SLC24A2: variants seen among roughly 807,000 people sequenced by gnomAD.
The protein encoded by SLC24A2 is sodium/potassium/calcium exchanger 2.
SLC24A2 carries 36 observed loss-of-function variants against 62.0 expected under a neutral mutation model. The ratio of observed to expected loss-of-function variants is 0.58; its 90% CI spans 0.44 to 0.77. The LOEUF (loss-of-function observed/expected upper bound fraction) is 0.77, where lower values mean the gene tolerates loss of function less well. Ranked by LOEUF, SLC24A2 falls within the 30% of genes least tolerant of loss-of-function variation. SLC24A2 has a pLI of 0.00. For missense variants in SLC24A2, 846 were observed against 817.9 expected (o/e 1.03, Z -0.42); for synonymous variants, 358 against 294.0 (o/e 1.22, Z -2.23).
chr9:20,255,980 C>T, the SLC24A2 span, among the ~76,000 whole-genome samples: 1 of 152,072 alleles, frequency 6.6e-6, no homozygotes, highest in Non-Finnish European at 1.5e-5. Context: ...GCTGGAAAAC[C>T]CAAGATCAAG....
chr9:20,096,571 T>G, the SLC24A2 span, among the ~76,000 whole-genome samples: 2 of 152,174 alleles, frequency 1.3e-5, no homozygotes, highest in Non-Finnish European at 2.9e-5. Context: ...GCATTTTATC[T>G]CTGAATCTCT....
At chr9:20,006,005 C>T in the SLC24A2 span, among the ~76,000 whole-genome samples, 13 of 151,690 alleles carry the variant, frequency 8.6e-5, no homozygotes, top group African/African-American at 2.7e-4. Flanking sequence ...TTCTGTCATA[C>T]CACATATATA....
chr9:20,298,339 C>T, the SLC24A2 span, among the ~76,000 whole-genome samples: 2 of 152,232 alleles, frequency 1.3e-5, no homozygotes, highest in African/African-American at 4.8e-5. Context: ...AGCGATTCTC[C>T]TGCCTTGGCC....
chr9:19,940,256 A>T, the SLC24A2 span, among the ~76,000 whole-genome samples: 1 of 152,236 alleles, frequency 6.6e-6, no homozygotes, highest in Non-Finnish European at 1.5e-5. Flanking sequence ...TGGAACTAAT[A>T]ATCCAAACAG....
the SLC24A2 span, among the ~76,000 whole-genome samples, chr9:19,799,387 T>G: frequency 2.0e-5 from 3 of 152,218 alleles, no homozygotes; most frequent in African/African-American, 7.2e-5. Context: ...TGATGTTTCT[T>G]TCAACGCCTG....
the SLC24A2 span, among the ~76,000 whole-genome samples, chr9:19,833,818 G>T: frequency 1.3e-5 from 2 of 152,340 alleles, no homozygotes; most frequent in East Asian, 3.9e-4. Context: ...TAACTGGGGG[G>T]CACCCCCAAC....
the SLC24A2 span, chr9:19,896,036 C>T: frequency 4.4e-6 from 6 of 1,375,044 alleles, no homozygotes; most frequent in Non-Finnish European, 6.1e-6. Flanking sequence ...CAGCAGGTCC[C>T]CTTGCCTCTG....
intron 2 of SLC24A2, among the ~76,000 whole-genome samples, chr9:19,688,806 G>A (rs1819959964): frequency 6.6e-6 from 1 of 152,016 alleles, no homozygotes; most frequent in Admixed American, 6.6e-5. Flanking sequence ...TATTTTGCAT[G>A]TCCCTGCATG....
the SLC24A2 span, among the ~76,000 whole-genome samples, chr9:20,138,926 C>T: frequency 1.3e-5 from 2 of 152,260 alleles, no homozygotes; most frequent in South Asian, 4.1e-4. Context: ...TTCTATTTTC[C>T]TTATTTCAAC....
intron 6 of SLC24A2, among the ~76,000 whole-genome samples, chr9:19,574,350 G>C (rs1233994140): frequency 6.6e-6 from 1 of 152,184 alleles, no homozygotes; most frequent in Non-Finnish European, 1.5e-5. Flanking sequence ...TTTGACACTT[G>C]AGAAGTGACT....
chr9:20,255,969 G>A, the SLC24A2 span, among the ~76,000 whole-genome samples: 1 of 152,150 alleles, frequency 6.6e-6, no homozygotes, highest in Non-Finnish European at 1.5e-5. Flanking sequence ...CAGTTCTGGA[G>A]GCTGGAAAAC....
At chr9:19,932,879 A>G in the SLC24A2 span, among the ~76,000 whole-genome samples, 51 of 152,332 alleles carry the variant, frequency 3.3e-4, no homozygotes, top group African/African-American at 1.2e-3. Flanking sequence ...TCTGTCCATA[A>G]TACTCTCAGA....
At chr9:20,129,156 A>C in the SLC24A2 span, among the ~76,000 whole-genome samples, 1 of 152,238 alleles carries the variant, frequency 6.6e-6, no homozygotes, top group East Asian at 1.9e-4. Flanking sequence ...TTCTGAGAGA[A>C]ATGGCCATAC....
intron 8 of SLC24A2, among the ~76,000 whole-genome samples, chr9:19,528,931 T>A (rs544015717): frequency 1.3e-5 from 2 of 152,082 alleles, no homozygotes; most frequent in Non-Finnish European, 2.9e-5. Context: ...AGTGTGAGCA[T>A]TTTTAAAGTT....
At chr9:20,261,384 T>C in the SLC24A2 span, among the ~76,000 whole-genome samples, 1 of 152,176 alleles carries the variant, frequency 6.6e-6, no homozygotes, top group African/African-American at 2.4e-5. Context: ...CATTATGCCA[T>C]GGTAGAAGTG....
intron 4 of SLC24A2, among the ~76,000 whole-genome samples, chr9:19,613,700 G>T (rs1817689461): frequency 6.6e-6 from 1 of 152,052 alleles, no homozygotes; most frequent in African/African-American, 2.4e-5. Context: ...CCTGGTCCAG[G>T]GATAGGTCAG....
At chr9:20,215,743 T>A in the SLC24A2 span, among the ~76,000 whole-genome samples, 1 of 152,204 alleles carries the variant, frequency 6.6e-6, no homozygotes, top group African/African-American at 2.4e-5. Flanking sequence ...CCTCTGACCC[T>A]TTTTGGTAAC....
chr9:19,696,243 T>A (rs1260089385), intron 2 of SLC24A2, among the ~76,000 whole-genome samples: 1 of 152,152 alleles, frequency 6.6e-6, no homozygotes, highest in Non-Finnish European at 1.5e-5. Context: ...AGCCCCAACC[T>A]CGGTCTGTGG....
At position 19,550,461 on chromosome 9, in the gene SLC24A2, C is replaced by T. The variant is rs575353751; in HGVS notation, c.1348-193G>A. Among the ~76,000 whole-genome samples, 9 of 152,278 alleles carry T rather than the reference C, an allele frequency of 5.9e-5. No individual in the cohort carries two copies. The South Asian group carries it at 6.2e-4, about 11-fold the overall frequency. On this transcript the variant is annotated intron_variant, in intron 7 of 10. Coordinates refer to ENST00000341998, the MANE Select transcript of SLC24A2 (RefSeq NM_020344.4). ...AGGAACAAATAATACATTGTCCAGC[C>T]ATGAGCATGTAAGAATTTTCTTTTA...
Sources: allele counts gnomAD v4.1 joint callset (sites outside exome capture counted in the v4.1 genomes callset), GRCh38; gene constraint gnomAD v4.1.1; transcripts MANE v1.5; gene names NCBI Gene and HGNC (gene_info 2026-07-23, HGNC 2026-07-21).